DCDC2C: variants seen among roughly 807,000 people sequenced by gnomAD.
DCDC2C encodes the protein doublecortin domain-containing protein 2C.
A neutral mutation model predicts 45.0 loss-of-function variants in DCDC2C; 44 were observed. The ratio of observed to expected loss-of-function variants is 0.98; its 90% CI spans 0.77 to 1.26. The LOEUF (loss-of-function observed/expected upper bound fraction) is 1.26. DCDC2C is among the 50% of genes most tolerant of loss of function. The pLI, the probability that DCDC2C is intolerant of heterozygous loss-of-function variation, is 0.00. For missense variants in DCDC2C, 447 were observed against 468.9 expected, an observed-to-expected ratio of 0.95 and a Z score of 0.43; for synonymous variants, 187 against 178.8, an observed-to-expected ratio of 1.05 and a Z score of -0.37.
At chr2:3,752,691 T>C in intron 4 of DCDC2C, 72 bp from the exon 5 acceptor site, 1 of 1,509,366 alleles carries the variant, frequency 6.6e-7, no homozygotes, top group Non-Finnish European at 9.0e-7. Flanking sequence ...TCATAGTGTA[T>C]GCACAAATAC....
chr2:3,816,281 A>C (rs1671556131), intron 10 of DCDC2C, among the ~76,000 whole-genome samples: 1 of 143,270 alleles, frequency 7.0e-6, no homozygotes, highest in South Asian at 2.3e-4. Context: ...AATTGGGAGG[A>C]CCCAGGTCAT....
chr2:3,813,299 C>T (rs1671463779), intron 10 of DCDC2C, among the ~76,000 whole-genome samples: 1 of 151,646 alleles, frequency 6.6e-6, no homozygotes, highest in South Asian at 2.1e-4. Flanking sequence ...CTCGATCTGA[C>T]CTCGTGATCT....
chr2:3,792,778 A>G (rs1670853035), intron 10 of DCDC2C, among the ~76,000 whole-genome samples: 1 of 152,260 alleles, frequency 6.6e-6, no homozygotes, highest in Non-Finnish European at 1.5e-5. Flanking sequence ...TTTTGGAGAA[A>G]AATGTGTCTT....
At chr2:3,799,260 T>C (rs1048782454) in intron 10 of DCDC2C, among the ~76,000 whole-genome samples, 4 of 152,198 alleles carry the variant, frequency 2.6e-5, no homozygotes, top group Admixed American at 2.6e-4. Flanking sequence ...GTTATTCTAG[T>C]TATACATTCT....
At chr2:3,755,391 A>C (rs959569902) in intron 6 of DCDC2C, among the ~76,000 whole-genome samples, 1 of 150,304 alleles carries the variant, frequency 6.7e-6, no homozygotes, top group African/African-American at 2.5e-5. Flanking sequence ...GTATGTATGA[A>C]TGCACATATG....
intron 8 of DCDC2C, among the ~76,000 whole-genome samples, chr2:3,773,330 T>TTTA (rs2148161835): frequency 6.6e-6 from 1 of 152,310 alleles, no homozygotes; most frequent in Non-Finnish European, 1.5e-5. Context: ...CAAAGAATTT[T>TTTA]TAATTTTTGG....
chr2:3,804,758 T>G (rs1419228681), intron 10 of DCDC2C, among the ~76,000 whole-genome samples: 1 of 152,222 alleles, frequency 6.6e-6, no homozygotes, highest in Non-Finnish European at 1.5e-5. Context: ...CTTCTACCCG[T>G]GCTGCACTCG....
intron 2 of DCDC2C, among the ~76,000 whole-genome samples, chr2:3,719,731 C>A (rs1668441707): frequency 6.6e-6 from 1 of 152,182 alleles, no homozygotes; most frequent in Non-Finnish European, 1.5e-5. Context: ...CCAAACCAGC[C>A]TCCGACATCA....
Position 3,752,917 on chromosome 2 carries a change from C to T in DCDC2C, c.683+17C>T, listed in dbSNP as rs751867256. 2.6e-6 allele frequency: 4 copies of T among 1,544,174 alleles called. No individual in the cohort carries two copies. The highest frequency in any genetic ancestry group is 4.0e-5 in the Admixed American group (2 of 50,040). ...GGTCCAACAGTGAGCATGCTTCGTA[C>T]CTTTCTTTCCTGAGTTTTGGAAAAA... On this transcript the variant is annotated intron_variant, in intron 5 of 10. Coordinates refer to ENST00000399143, the MANE Select transcript of DCDC2C (RefSeq NM_001287444.2).
chr2:3,739,740 C>G (rs2148104005), intron 3 of DCDC2C, among the ~76,000 whole-genome samples: 1 of 152,330 alleles, frequency 6.6e-6, no homozygotes, highest in Admixed American at 6.5e-5. Context: ...TCTGGTACAC[C>G]AAGGCCAGAA....
At chr2:3,713,021 A>T (rs1668257027) in intron 2 of DCDC2C, among the ~76,000 whole-genome samples, 1 of 144,996 alleles carries the variant, frequency 6.9e-6, no homozygotes, top group Admixed American at 7.3e-5. Flanking sequence ...AGATGAATAA[A>T]GAGTTCAAGA....
intron 10 of DCDC2C, among the ~76,000 whole-genome samples, chr2:3,830,609 T>C (rs927020792): frequency 4.6e-5 from 7 of 152,192 alleles, no homozygotes; most frequent in African/African-American, 1.2e-4. Flanking sequence ...CTGATGGGCA[T>C]GAGCAGGAAG....
At chr2:3,826,462 A>G (rs1352334752) in intron 10 of DCDC2C, among the ~76,000 whole-genome samples, 1 of 152,196 alleles carries the variant, frequency 6.6e-6, no homozygotes, top group Non-Finnish European at 1.5e-5. Flanking sequence ...GTGCTTTGCA[A>G]ATTGTAAAAA....
rs780347736 is a variant in DCDC2C, at chr2:3,734,326, C to A, written c.416+7247C>A. Among the ~76,000 whole-genome samples the A allele has an allele frequency of 4.6e-5, 7 of 152,306 alleles. No individual in the cohort carries two copies. The highest frequency in any genetic ancestry group is 3.4e-3 in the Middle Eastern group (1 of 294). On this transcript the variant is annotated intron_variant, in intron 3 of 10. Transcript: ENST00000399143. The surrounding 1 kb of genome is among the most constrained non-coding windows in gnomAD (Gnocchi z 4.2). ...ATCCAGCCTGGAAGGGCCCACCCTC[C>A]CTCCAGAGATAGGAGCCATCGACAT...
chr2:3,774,332 C>A (rs1402969049), intron 8 of DCDC2C, among the ~76,000 whole-genome samples: 1 of 152,236 alleles, frequency 6.6e-6, no homozygotes. Flanking sequence ...GTGGTTTAAA[C>A]AATCAGGAAC....
chr2:3,758,084 TG>T (rs1027463565), intron 6 of DCDC2C, among the ~76,000 whole-genome samples: 3 of 152,220 alleles, frequency 2.0e-5, no homozygotes, highest in African/African-American at 7.2e-5. Flanking sequence ...ATAAATTGTA[TG>T]GACTGAAAAG....
Position 3,836,729 on chromosome 2 carries a change from G to A in DCDC2C, c.1066-10425G>A, listed in dbSNP as rs988579608. Among the ~76,000 whole-genome samples the A allele has an allele frequency of 3.3e-5, 5 of 152,240 alleles. No homozygotes were observed. The South Asian group carries it at 1.0e-3, about 32-fold the overall frequency. On this transcript the variant is annotated intron_variant, in intron 10 of 10. Transcript: ENST00000399143. ...TACACAAAATTAGCCGGGCACGGTG[G>A]CGGGCACCTGTAGTCCCAGCTACTC...
intron 10 of DCDC2C, among the ~76,000 whole-genome samples, chr2:3,812,531 G>T (rs1450731102): frequency 6.6e-6 from 1 of 151,930 alleles, no homozygotes; most frequent in African/African-American, 2.4e-5. Context: ...CAAAAAACCG[G>T]CTCCTGGATT....
At chr2:3,807,803 G>A (rs977734592) in intron 10 of DCDC2C, among the ~76,000 whole-genome samples, 3 of 152,000 alleles carry the variant, frequency 2.0e-5, no homozygotes, top group Admixed American at 1.3e-4. Flanking sequence ...ACCCTTTTCA[G>A]AGTGTCATAG....
Sources: allele counts gnomAD v4.1 joint callset (sites outside exome capture counted in the v4.1 genomes callset), GRCh38; gene constraint gnomAD v4.1.1; non-coding constraint Gnocchi (gnomAD v3.1); transcripts MANE v1.5; gene names NCBI Gene and HGNC (gene_info 2026-07-23, HGNC 2026-07-21).